Variants in GNAQ observed in about 807,000 individuals in gnomAD.
The protein encoded by GNAQ is guanine nucleotide-binding protein G(q) subunit alpha.
GNAQ carries 8 observed loss-of-function variants against 43.9 expected under a neutral mutation model. The observed-to-expected ratio is 0.18, with a 90% CI of 0.11 to 0.33. The LOEUF (loss-of-function observed/expected upper bound fraction) is 0.33, where lower values mean the gene tolerates loss of function less well. Among genes scored for constraint, GNAQ ranks in the 10% least tolerant of loss-of-function variants. The pLI is 1.00. For missense variants in GNAQ, 158 were observed against 450.8 expected (o/e 0.35, Z 5.88); for synonymous variants, 155 against 170.7 (o/e 0.91, Z 0.71).
intron 1 of GNAQ, among the ~76,000 whole-genome samples, chr9:78,002,349 C>T (rs1823654280): frequency 6.6e-6 from 1 of 152,108 alleles, no homozygotes; most frequent in African/African-American, 2.4e-5. Context: ...TATTTACAGA[C>T]ACAAAGAGAA....
intron 2 of GNAQ, among the ~76,000 whole-genome samples, chr9:77,866,577 T>C (rs1216874795): frequency 6.6e-6 from 1 of 152,262 alleles, no homozygotes; most frequent in Non-Finnish European, 1.5e-5. Context: ...TTGCATGTAC[T>C]AATCATACTG....
At chr9:77,924,516 G>A (rs904393422) in intron 1 of GNAQ, among the ~76,000 whole-genome samples, 2 of 152,010 alleles carry the variant, frequency 1.3e-5, no homozygotes, top group Non-Finnish European at 2.9e-5. Context: ...TTTTCTCCTG[G>A]TCACCTGAGA....
At chr9:77,724,066 T>C (rs1029891438) in intron 6 of GNAQ, among the ~76,000 whole-genome samples, 1 of 152,232 alleles carries the variant, frequency 6.6e-6, no homozygotes, top group Non-Finnish European at 1.5e-5. Context: ...TAAAACTTAC[T>C]GTAAATAACA....
chr9:77,786,591 T>C (rs1305115126), intron 5 of GNAQ, among the ~76,000 whole-genome samples: 2 of 152,076 alleles, frequency 1.3e-5, no homozygotes, highest in Non-Finnish European at 2.9e-5. Flanking sequence ...CATTGCACTA[T>C]AGCTATTCAC....
At position 77,750,224 on chromosome 9, in the gene GNAQ, A is replaced by G. The variant is rs139978872; in HGVS notation, c.736-21557T>C. 8.4e-3 allele frequency among the ~76,000 whole-genome samples: 1,283 copies of G among 152,246 alleles called. 18 individuals carry two copies. Among genetic ancestry groups the G allele is most frequent in the African/African-American group, 0.029 (1,212 of 41,480 alleles). On this transcript the variant is annotated intron_variant, in intron 5 of 6. Coordinates refer to ENST00000286548, the MANE Select transcript of GNAQ (RefSeq NM_002072.5). ...TTGCAAAATTCTTTCTACCAATACC[A>G]AAAGATTTCTAATGCATGGACTAAA...
In GNAQ at chr9:77,894,636, A is replaced by G. The variant is rs912082913; in HGVS notation, c.321+27525T>C. 6.0e-5 allele frequency among the ~76,000 whole-genome samples: 9 copies of G among 150,826 alleles called. No individual in the cohort carries two copies. The East Asian group carries it at 1.4e-3, about 23-fold the overall frequency. ...CAAGGTTTCACCATGTTGACCAGGA[A>G]GGTCTAGATCCCTTGACCTTGTGAT... On this transcript the variant is annotated intron_variant, in intron 2 of 6. Transcript: ENST00000286548.
intron 3 of GNAQ, among the ~76,000 whole-genome samples, chr9:77,800,562 G>C (rs1363510405): frequency 1.3e-5 from 2 of 152,144 alleles, no homozygotes; most frequent in South Asian, 2.1e-4. Flanking sequence ...ATCACACTCT[G>C]GGGACTGCTG....
In GNAQ at chr9:77,720,755, C is replaced by T; in HGVS notation, c.*568G>A. The T allele has an allele frequency of 4.3e-6, 1 of 233,526 alleles. No individual in the cohort carries two copies. Among genetic ancestry groups the T allele is most frequent in the Middle Eastern group, 1.3e-3 (1 of 784 alleles). 14.5% of individuals were successfully genotyped at this position (233,526 alleles called of 1,614,324 possible). On this transcript the variant is annotated 3_prime_UTR_variant, in exon 7 of 7. Coordinates refer to ENST00000286548, the MANE Select transcript of GNAQ (RefSeq NM_002072.5). ...GAAACTATGTGTGTATCCAAAGCAA[C>T]ACATTTAAAACCGTAAGTATTAATA...
intron 1 of GNAQ, among the ~76,000 whole-genome samples, chr9:78,005,150 C>CA (rs1463397277): frequency 6.6e-6 from 1 of 152,108 alleles, no homozygotes; most frequent in Non-Finnish European, 1.5e-5. Flanking sequence ...CTCACGGGCT[C>CA]AAGCGATCCT....
At chr9:77,791,155 A>C (rs1484586680) in intron 5 of GNAQ, among the ~76,000 whole-genome samples, 1 of 152,228 alleles carries the variant, frequency 6.6e-6, no homozygotes, top group African/African-American at 2.4e-5. Context: ...ACATTCAAAG[A>C]GGACATGGAG....
intron 2 of GNAQ, among the ~76,000 whole-genome samples, chr9:77,863,621 A>G (rs1827897114): frequency 6.6e-6 from 1 of 152,140 alleles, no homozygotes; most frequent in Non-Finnish European, 1.5e-5. Context: ...TATTGGTACC[A>G]ATTTACCGTA....
intron 1 of GNAQ, among the ~76,000 whole-genome samples, chr9:78,010,264 G>A (rs17064024): frequency 0.06 from 9,137 of 152,234 alleles, 311 homozygotes; most frequent in African/African-American, 0.066. Context: ...AGGGTGTCAT[G>A]AGGCCAACTT....
At chr9:77,753,086 CAAAAA>C (rs547963667) in intron 5 of GNAQ, among the ~76,000 whole-genome samples, 33 of 53,022 alleles carry the variant, frequency 6.2e-4, no homozygotes, top group Non-Finnish European at 3.0e-4. Flanking sequence ...GACTCTGTCT[CAAAAA>C]AAAAAAAAAA....
At chr9:77,826,744 G>A (rs1005431912) in intron 2 of GNAQ, among the ~76,000 whole-genome samples, 3 of 152,160 alleles carry the variant, frequency 2.0e-5, no homozygotes, top group African/African-American at 7.2e-5. Context: ...TCACAGCACC[G>A]TTATAAAGTT....
intron 2 of GNAQ, among the ~76,000 whole-genome samples, chr9:77,868,666 C>T (rs947298217): frequency 3.9e-5 from 6 of 151,982 alleles, no homozygotes; most frequent in Non-Finnish European, 8.8e-5. Flanking sequence ...TGTGGTGGCA[C>T]GTGCCTGTAA....
chr9:77,815,525 A>T, intron 3 of GNAQ, 91 bp downstream of exon 3: 1 of 808,832 alleles, frequency 1.2e-6, no homozygotes, highest in Non-Finnish European at 2.0e-6. Context: ...TATGACATAT[A>T]CAGGACAGAA....
intron 6 of GNAQ, among the ~76,000 whole-genome samples, chr9:77,727,916 G>A (rs1255120661): frequency 6.6e-6 from 1 of 152,096 alleles, no homozygotes; most frequent in Non-Finnish European, 1.5e-5. Flanking sequence ...GACACAGAGG[G>A]GACTATAAGA....
At chr9:77,970,044 C>T (rs547486450) in intron 1 of GNAQ, among the ~76,000 whole-genome samples, 12 of 152,212 alleles carry the variant, frequency 7.9e-5, no homozygotes, top group Admixed American at 7.2e-4. Context: ...CATGGTGAAA[C>T]GCTGTCTCTA....
At chr9:77,906,750 CT>C (rs1269682776) in intron 2 of GNAQ, among the ~76,000 whole-genome samples, 2 of 152,176 alleles carry the variant, frequency 1.3e-5, no homozygotes, top group African/African-American at 4.8e-5. Context: ...ACATACTTTG[CT>C]GCTAAAATGT....
Sources: gnomAD v4.1 joint callset for allele counts (sites outside exome capture counted in the v4.1 genomes callset) on GRCh38, gnomAD v4.1.1 for gene constraint, MANE v1.5 for transcripts, NCBI Gene and HGNC (gene_info 2026-07-23, HGNC 2026-07-21) for gene names.